The following CCDC170 variants were observed in gnomAD, a reference collection of about 807,000 sequenced individuals.
CCDC170 encodes coiled-coil domain containing 170.
In CCDC170, 69 loss-of-function variants were observed where a neutral mutation model predicts 72.6. That is an observed-to-expected ratio of 0.95 (90% CI 0.78 to 1.16). The LOEUF (loss-of-function observed/expected upper bound fraction) is 1.16. Ranked by LOEUF, CCDC170 falls within the 50% of genes most tolerant of loss-of-function variation. The pLI is 0.00. For missense variants in CCDC170, 852 were observed against 832.5 expected (o/e 1.02, Z -0.29); for synonymous variants, 300 against 303.9 (o/e 0.99, Z 0.13).
At chr6:151,589,297 A>G (rs1480161161) in intron 7 of CCDC170, among the ~76,000 whole-genome samples, 2 of 152,130 alleles carry the variant, frequency 1.3e-5, no homozygotes, top group East Asian at 3.9e-4. Context: ...AACAACCACG[A>G]CCAAACAAAA....
chr6:151,544,283 G>A (rs1782738771), intron 3 of CCDC170, among the ~76,000 whole-genome samples: 1 of 152,100 alleles, frequency 6.6e-6, no homozygotes, highest in Non-Finnish European at 1.5e-5. Flanking sequence ...GATCCTAAAG[G>A]GTTGAGGCTA....
intron 1 of CCDC170, among the ~76,000 whole-genome samples, chr6:151,521,634 C>T (rs1187028642): frequency 1.3e-5 from 2 of 152,068 alleles, no homozygotes; most frequent in African/African-American, 4.8e-5. Context: ...AGGAAATAGA[C>T]CAAGGAAATG....
At chr6:151,598,690 G>A (rs1776660184) in intron 9 of CCDC170, among the ~76,000 whole-genome samples, 1 of 152,198 alleles carries the variant, frequency 6.6e-6, no homozygotes, top group Admixed American at 6.5e-5. Context: ...ATCTCAGAAA[G>A]AAGGAGGGGA....
rs750610652 is a variant in CCDC170, at chr6:151,593,241, C to A, written c.1428C>A (p.Val476=). The A allele has an allele frequency of 3.1e-6, 5 of 1,614,110 alleles. No homozygotes were observed. The highest frequency in any genetic ancestry group is 2.7e-5 in the African/African-American group (2 of 75,026). The stretch of plus-strand genomic sequence containing the variant: ...TGGTTCGTCTTGAGAGCAATGCAGT[C>A]ATTGAGAACAAGACCATTGCCCACA... The part of the protein sequence containing the change: ...EQLVRLESNA[V]IENKTIAHNL... The change falls in exon 8 of 11, where the codon GTC becomes GTA. Residue 476 remains valine, a synonymous_variant. Transcript: ENST00000239374.
At position 151,537,547 on chromosome 6, in the gene CCDC170, C is replaced by A. The variant is rs145064201; in HGVS notation, c.187-498C>A. Among the ~76,000 whole-genome samples the A allele has an allele frequency of 6.1e-4, 93 of 151,416 alleles. 1 individual carries two copies. The highest frequency in any genetic ancestry group is 2.0e-3 in the African/African-American group (84 of 41,270). ...TTTCTTTTCTCCTATGTTTTTTTTC[C>A]CAGAAATTTAAATGTTATTTTTATT... On this transcript the variant is annotated intron_variant, in intron 2 of 10. Coordinates refer to ENST00000239374, the MANE Select transcript of CCDC170 (RefSeq NM_025059.4).
At position 151,590,493 on chromosome 6, in the gene CCDC170, G is replaced by T. The variant is rs540153718; in HGVS notation, c.1294-2614G>T. 1.9e-4 allele frequency among the ~76,000 whole-genome samples: 29 copies of T among 152,308 alleles called. No individual in the cohort carries two copies. In the East Asian group the frequency reaches 5.0e-3, roughly 26 times the overall value. On this transcript the variant is annotated intron_variant, in intron 7 of 10. Transcript: ENST00000239374. ...TTCCGTCGCTAACTGCATATGAAAT[G>T]CACGTTCTGGTAAGGATGGATAGTA...
At chr6:151,520,396 A>G (rs1782299372) in intron 1 of CCDC170, among the ~76,000 whole-genome samples, 1 of 152,242 alleles carries the variant, frequency 6.6e-6, no homozygotes, top group South Asian at 2.1e-4. Context: ...GAGACAGTGA[A>G]AGAGATCTAA....
chr6:151,587,106 T>C (rs1175923765), intron 7 of CCDC170, among the ~76,000 whole-genome samples: 2 of 151,984 alleles, frequency 1.3e-5, no homozygotes, highest in African/African-American at 4.8e-5. Flanking sequence ...TTTAGAAAGA[T>C]AGCGTGATGT....
chr6:151,510,577 A>G (rs73615710), intron 1 of CCDC170, among the ~76,000 whole-genome samples: 1 of 152,282 alleles, frequency 6.6e-6, no homozygotes, highest in African/African-American at 2.4e-5. Context: ...ATTGCAAAGG[A>G]GGTGATGAGG....
intron 7 of CCDC170, among the ~76,000 whole-genome samples, chr6:151,592,785 T>G (rs933352504): frequency 9.2e-5 from 14 of 152,160 alleles, no homozygotes; most frequent in Admixed American, 9.2e-4. Context: ...CAGCAACAAG[T>G]TGTCGAAGCA....
intron 1 of CCDC170, among the ~76,000 whole-genome samples, chr6:151,530,218 A>G (rs1482910096): frequency 4.0e-5 from 6 of 151,886 alleles, no homozygotes; most frequent in Admixed American, 3.9e-4. Context: ...CTTTCTGAAT[A>G]TTTTTGTGTT....
chr6:151,571,500 G>T (rs1474670771), intron 5 of CCDC170, among the ~76,000 whole-genome samples: 3 of 152,130 alleles, frequency 2.0e-5, no homozygotes, highest in African/African-American at 7.2e-5. Context: ...GGCCGAAGCG[G>T]GTAGATCACC....
chr6:151,589,912 G>T (rs1186327021), intron 7 of CCDC170, among the ~76,000 whole-genome samples: 1 of 152,072 alleles, frequency 6.6e-6, no homozygotes, highest in Non-Finnish European at 1.5e-5. Context: ...GGAGTGGCAG[G>T]ACCCTGGTGG....
At chr6:151,581,901 G>A (rs1776383562) in intron 6 of CCDC170, among the ~76,000 whole-genome samples, 1 of 152,196 alleles carries the variant, frequency 6.6e-6, no homozygotes, top group Non-Finnish European at 1.5e-5. Flanking sequence ...CTGAGCCATA[G>A]GTCTCAACTG....
intron 7 of CCDC170, among the ~76,000 whole-genome samples, chr6:151,586,730 T>G (rs947037711): frequency 8.5e-5 from 13 of 152,076 alleles, no homozygotes; most frequent in Non-Finnish European, 1.8e-4. Context: ...CTGTAGAATA[T>G]GAAGTGTGGT....
At chr6:151,603,759 C>A (rs1298196884) in intron 9 of CCDC170, among the ~76,000 whole-genome samples, 3 of 152,134 alleles carry the variant, frequency 2.0e-5, no homozygotes, top group African/African-American at 7.2e-5. Flanking sequence ...ATCTTTTAGG[C>A]CAAGCTAGCT....
At chr6:151,563,637 C>T (rs1191231140) in intron 5 of CCDC170, among the ~76,000 whole-genome samples, 1 of 152,122 alleles carries the variant, frequency 6.6e-6, no homozygotes, top group Non-Finnish European at 1.5e-5. Flanking sequence ...ACAGTCTCAG[C>T]TCAGGTGTGA....
intron 9 of CCDC170, among the ~76,000 whole-genome samples, chr6:151,601,465 G>T (rs751849437): frequency 1.3e-4 from 20 of 152,058 alleles, no homozygotes; most frequent in Non-Finnish European, 2.6e-4. Flanking sequence ...GTATTGGTCA[G>T]TGTTCTCCAG....
chr6:151,558,134 G>T (rs1783015927), intron 5 of CCDC170, among the ~76,000 whole-genome samples: 1 of 150,810 alleles, frequency 6.6e-6, no homozygotes, highest in African/African-American at 2.4e-5. Context: ...TTGGCCATTT[G>T]TATGTCTTTC....
Sources: allele counts gnomAD v4.1 joint callset (sites outside exome capture counted in the v4.1 genomes callset), GRCh38; gene constraint gnomAD v4.1.1; transcripts MANE v1.5; gene names NCBI Gene and HGNC (gene_info 2026-07-23, HGNC 2026-07-21).